WIZ: variants seen among roughly 807,000 people sequenced by gnomAD.
The protein encoded by WIZ is WIZ zinc finger.
WIZ carries 25 observed loss-of-function variants against 140.2 expected under a neutral mutation model. The ratio of observed to expected loss-of-function variants is 0.18; its 90% CI spans 0.13 to 0.25. WIZ has a LOEUF of 0.25. Ranked by LOEUF, WIZ falls within the 10% of genes least tolerant of loss-of-function variation. The probability of loss-of-function intolerance (pLI) is 1.00; values close to 1 mark genes in which losing one functional copy is unlikely to be tolerated. For missense variants in WIZ, 2,231 were observed against 2,632.6 expected, an observed-to-expected ratio of 0.85 and a Z score of 3.34; for synonymous variants, 1,125 against 1,154.3, an observed-to-expected ratio of 0.97 and a Z score of 0.51.
rs1403266621 is a variant in WIZ at position 15,440,398 on chromosome 19, G to A, written c.596C>T (p.Ala199Val). ...DEDEQGSPQD[A>V]GLHLDLPAQP... Reference sequence around the variant, plus strand: ...GGCAGGCAGGTCCAAGTGCAGCCCTGCGTCCTGGGGGGATCCCTGCTCGTC... The same window carrying A: ...GGCAGGCAGGTCCAAGTGCAGCCCTACGTCCTGGGGGGATCCCTGCTCGTC... Residue 199 changes from alanine (A) to valine (V), a missense_variant, in exon 4 of 13, where the codon GCA (alanine) becomes GTA (valine). Transcript: ENST00000673675. This position sits in a 1 kb window ranked among gnomAD's most constrained non-coding sequence, Gnocchi z 6.2. 1 of 1,534,808 alleles carries A rather than the reference G, an allele frequency of 6.5e-7. No individual in the cohort carries two copies. Among genetic ancestry groups the A allele is most frequent in the Non-Finnish European group, 8.7e-7 (1 of 1,146,008 alleles).
At chr19:15,437,546 C>T (rs1198747667) in intron 4 of WIZ, among the ~76,000 whole-genome samples, 1 of 152,202 alleles carries the variant, frequency 6.6e-6, no homozygotes, top group Non-Finnish European at 1.5e-5. Context: ...GTCCCAGCTA[C>T]TTGGGAGGCT....
In WIZ at chr19:15,448,275, T is replaced by C; in HGVS notation, c.33A>G (p.Ala11=). 1.9e-6 allele frequency: 3 copies of C among 1,613,146 alleles called. No individual in the cohort carries two copies. Among genetic ancestry groups the C allele is most frequent in the East Asian group, 4.5e-5 (2 of 44,840 alleles). ...TCTCTGGGCCTTGGGGACGATCTGG[T>C]GCAGCCAGGCTGCCTGCCAGAGACC... is the stretch of plus-strand genomic sequence containing the variant. The part of the protein sequence containing the change: MEGSLAGSLA[A]PDRPQGPERL... The change falls in exon 2 of 13, where the codon GCA becomes GCG. Residue 11 remains alanine (A), a synonymous_variant. Coordinates refer to ENST00000673675, the MANE Select transcript of WIZ (RefSeq NM_001371589.1).
Position 15,424,513 on chromosome 19 carries a change from G to T in WIZ, c.5314+100C>A. ...GGATGGGTGAATGGGTAAGCAACTGGAGAAAGGACTTAAGGGCCACAGCAG... is the reference window on the plus strand; with the variant it reads ...GGATGGGTGAATGGGTAAGCAACTGTAGAAAGGACTTAAGGGCCACAGCAG... On this transcript the variant is annotated intron_variant, in intron 11 of 12. Coordinates refer to ENST00000673675, the MANE Select transcript of WIZ (RefSeq NM_001371589.1). The surrounding 1 kb of genome is among the most constrained non-coding windows in gnomAD (Gnocchi z 9.7). 6.5e-7 allele frequency: 1 copy of T among 1,531,624 alleles called. No homozygotes were observed. 94.9% of individuals were successfully genotyped at this position (1,531,624 alleles called of 1,614,324 possible).
chr19:15,426,797 G>A (rs1968851128), intron 9 of WIZ, among the ~76,000 whole-genome samples, 185 bp downstream of exon 9: 2 of 152,208 alleles, frequency 1.3e-5, no homozygotes, highest in African/African-American at 4.8e-5. Flanking sequence ...ATGAATAAAG[G>A]ACAATTGAGC....
At chr19:15,434,744 C>T (rs907796213) in intron 5 of WIZ, among the ~76,000 whole-genome samples, 2 of 152,176 alleles carry the variant, frequency 1.3e-5, no homozygotes, top group African/African-American at 4.8e-5. Context: ...CAAAGCCAGG[C>T]TGTGCAAGAC....
intron 5 of WIZ, among the ~76,000 whole-genome samples, chr19:15,434,258 TAAAA>T (rs969364743): frequency 3.0e-5 from 2 of 67,744 alleles, no homozygotes; most frequent in Non-Finnish European, 3.1e-5. Flanking sequence ...ACTCCATCTT[TAAAA>T]AAAAAAAAAA....
Position 15,449,857 on chromosome 19 carries a change from C to A in WIZ, c.-120G>T. On this transcript the variant is annotated 5_prime_UTR_variant, in exon 1 of 13. Coordinates refer to ENST00000673675, the MANE Select transcript of WIZ (RefSeq NM_001371589.1). ...TCGGAGCTCCCCTCCTTGGTGCGGCCGTCGCTGCCGCTACCGCCGCTGCCG... is the reference window on the plus strand; with the variant it reads ...TCGGAGCTCCCCTCCTTGGTGCGGCAGTCGCTGCCGCTACCGCCGCTGCCG... 6.7e-6 allele frequency: 1 copy of A among 149,400 alleles called. No homozygotes were observed. Among genetic ancestry groups the A allele is most frequent in the South Asian group, 1.8e-4 (1 of 5,602 alleles). The allele number at this position is 149,400 out of a possible 1,614,324, so 9.3% of individuals were successfully genotyped here. A position where few individuals can be genotyped will look rare whatever the true frequency, so the allele number is the denominator to read the frequency against.
At chr19:15,433,361 A>G in intron 5 of WIZ, 2 of 985,244 alleles carry the variant, frequency 2.0e-6, no homozygotes, top group Non-Finnish European at 2.4e-6. Context: ...CCCGCCCCCA[A>G]CCTGGCACCC....
At chr19:15,434,863 A>C (rs1403301318) in intron 5 of WIZ, among the ~76,000 whole-genome samples, 3 of 152,168 alleles carry the variant, frequency 2.0e-5, no homozygotes, top group African/African-American at 7.2e-5. Flanking sequence ...CCACCAAACA[A>C]GCTGCTCAGA....
intron 2 of WIZ, among the ~76,000 whole-genome samples, chr19:15,445,095 C>T (rs756710437): frequency 6.6e-6 from 1 of 152,244 alleles, no homozygotes; most frequent in South Asian, 2.1e-4. Flanking sequence ...GGAGTCCCTA[C>T]GGGTCAGATG....
intron 7 of WIZ, 49 bp downstream of exon 7, chr19:15,429,537 G>A (rs1435963204): frequency 6.3e-6 from 6 of 952,074 alleles, no homozygotes; most frequent in South Asian, 5.6e-5. Context: ...CTGAGGTCCC[G>A]ACCCTCCCAG....
At position 15,439,389 on chromosome 19, in the gene WIZ, C is replaced by T; in HGVS notation, c.1605G>A (p.Met535Ile). The T allele has an allele frequency of 6.5e-7, 1 of 1,529,254 alleles. No individual in the cohort carries two copies. The highest frequency in any genetic ancestry group is 1.2e-5 in the South Asian group (1 of 83,530). 94.7% of individuals were successfully genotyped at this position (1,529,254 alleles called of 1,614,324 possible). A position where few individuals can be genotyped will look rare whatever the true frequency, so the allele number is the denominator to read the frequency against. The part of the protein sequence containing the change: ...FGKAEPSLAP[M>I]WRENPAGYDP... ...CGTATCCAGCAGGGTTCTCCCGCCA[C>T]ATGGGGGCCAAGGACGGCTCAGCTT... The change falls in exon 4 of 13, where the codon ATG (methionine) becomes ATA (isoleucine). Residue 535 changes from methionine to isoleucine, a missense_variant. By Grantham distance (10) the Met-to-Ile change is conservative. Transcript: ENST00000673675. The surrounding 1 kb of genome is among the most constrained non-coding windows in gnomAD (Gnocchi z 7.0).
At chr19:15,435,011 G>A (rs1969468094) in intron 5 of WIZ, among the ~76,000 whole-genome samples, 2 of 151,778 alleles carry the variant, frequency 1.3e-5, no homozygotes, top group Non-Finnish European at 2.9e-5. Flanking sequence ...GGCGGATCAC[G>A]AGGTCAGGAG....
Position 15,439,710 on chromosome 19 carries a change from TG to T in WIZ, c.1283del (p.Pro428GlnfsTer56). On this transcript the variant is annotated frameshift_variant, in exon 4 of 13. Coordinates refer to ENST00000673675, the MANE Select transcript of WIZ (RefSeq NM_001371589.1). LOFTEE classifies it high-confidence loss of function. This position sits in a 1 kb window ranked among gnomAD's most constrained non-coding sequence, Gnocchi z 7.0. ...CAAAAGGCTCTTTGGTGGTCTGGCC[TG>T]GGGGCTCACGCATGTGCAGCTTGGC... ...QHAKLHMREP[P>X]GQTTKEPFGG... 1 of 1,489,938 alleles carries T rather than the reference TG, an allele frequency of 6.7e-7. No homozygotes were observed. Among genetic ancestry groups the T allele is most frequent in the South Asian group, 1.3e-5 (1 of 77,614 alleles). The allele number at this position is 1,489,938 out of a possible 1,614,324, so 92.3% of individuals were successfully genotyped here.
Position 15,436,878 on chromosome 19 carries a change from G to T in WIZ, c.2668C>A (p.Arg890=). 1 of 1,612,816 alleles carries T rather than the reference G, an allele frequency of 6.2e-7. No homozygotes were observed. The highest frequency in any genetic ancestry group is 1.3e-5 in the African/African-American group (1 of 74,972). ...GPPGSFLTSR[R]PRLPLTVPFP... ...GGCACCGTGAGAGGTAAGCGGGGCC[G>T]ACGGGAGGTCAGGAAGCTGCCAGGC... is the stretch of plus-strand genomic sequence containing the variant. The change falls in exon 5 of 13, where the codon CGG becomes AGG. Residue 890 remains arginine, a synonymous_variant. Coordinates refer to ENST00000673675, the MANE Select transcript of WIZ (RefSeq NM_001371589.1).
Position 15,440,948 on chromosome 19 carries a change from G to C in WIZ, c.279-233C>G, listed in dbSNP as rs1001310113. ...AGGATGCACCTGTCCACAAAGCCTA[G>C]CCCCGCTGCATTGTGGGGGAATGTA... On this transcript the variant is annotated intron_variant, in intron 3 of 12. Transcript: ENST00000673675. This position sits in a 1 kb window ranked among gnomAD's most constrained non-coding sequence, Gnocchi z 6.2. Among the ~76,000 whole-genome samples, 2 of 152,134 alleles carry C rather than the reference G, an allele frequency of 1.3e-5. No homozygotes were observed. Among genetic ancestry groups the C allele is most frequent in the Admixed American group, 1.3e-4 (2 of 15,288 alleles).
rs937177715 is a variant in WIZ at position 15,448,117 on chromosome 19, C to T, written c.191G>A (p.Arg64Lys). 8 of 1,612,484 alleles carry T rather than the reference C, an allele frequency of 5.0e-6. No individual in the cohort carries two copies. Among genetic ancestry groups the T allele is most frequent in the Middle Eastern group, 3.3e-4 (2 of 6,064 alleles). ...CATTCTCTTACCAGAGATGCCACCT[C>T]TGCCATCCAGAATGTCTCGGGGGCC... ...KEGPRDILDG[R>K]GGISDGQPHP... is the part of the protein sequence containing the mutation. Residue 64 changes from arginine (R) to lysine (K), a missense_variant, in exon 2 of 13, where the codon AGA becomes AAA. Physicochemically the swap from Arg to Lys is conservative, Grantham distance 26. Coordinates refer to ENST00000673675, the MANE Select transcript of WIZ (RefSeq NM_001371589.1).
rs1968353618 is a variant in WIZ at position 15,421,150 on chromosome 19, GA to G, written c.*1925del. 1 of 152,264 alleles carries G rather than the reference GA, an allele frequency of 6.6e-6. No homozygotes were observed. Among genetic ancestry groups the G allele is most frequent in the Non-Finnish European group, 1.5e-5 (1 of 68,068 alleles). 9.4% of individuals were successfully genotyped at this position (152,264 alleles called of 1,614,324 possible). ...AATAAAAAAATAAAAACTGACTTAT[GA>G]AAAGTTGAAAGAGGAAGAAACACCT... On this transcript the variant is annotated 3_prime_UTR_variant, in exon 13 of 13. Transcript: ENST00000673675.
intron 7 of WIZ, 30 bp downstream of exon 7, chr19:15,429,556 C>T: frequency 8.3e-7 from 1 of 1,202,146 alleles, no homozygotes; most frequent in Non-Finnish European, 1.0e-6. Flanking sequence ...AGCGCCAGAA[C>T]CTCCCTCGGC....
Sources: allele counts gnomAD v4.1 joint callset (sites outside exome capture counted in the v4.1 genomes callset), GRCh38; gene constraint gnomAD v4.1.1; non-coding constraint Gnocchi (gnomAD v3.1); transcripts MANE v1.5; gene names NCBI Gene and HGNC (gene_info 2026-07-23, HGNC 2026-07-21).